The following NLRP5 variants were observed in gnomAD, a reference collection of about 807,000 sequenced individuals.
NLRP5 encodes NACHT, LRR and PYD domains-containing protein 5.
A neutral mutation model predicts 113.1 loss-of-function variants in NLRP5; 93 were observed. The observed-to-expected ratio is 0.82, with a 90% CI of 0.70 to 0.98. The LOEUF (loss-of-function observed/expected upper bound fraction) is 0.98. Ranked by LOEUF, NLRP5 falls within the 50% of genes least tolerant of loss-of-function variation. The probability of loss-of-function intolerance (pLI) is 0.00; values close to 1 mark genes in which losing one functional copy is unlikely to be tolerated. For missense variants in NLRP5, 1,808 were observed against 1,514.3 expected (o/e 1.19, Z -3.22); for synonymous variants, 751 against 600.7 (o/e 1.25, Z -3.66).
chr19:56,011,166 T>TATATATAC (rs112102134), intron 3 of NLRP5, among the ~76,000 whole-genome samples: 239 of 150,730 alleles, frequency 1.6e-3, no homozygotes, highest in African/African-American at 4.9e-3. Context: ...AAAATATATA[T>TATATATAC]ACACACATAC....
At position 56,003,742 on chromosome 19, in the gene NLRP5, C is replaced by T. The variant is rs1211886924; in HGVS notation, c.89C>T (p.Thr30Ile). The change falls in exon 2 of 15, where the codon ACT (threonine) becomes ATT (isoleucine). Residue 30 changes from threonine to isoleucine, a missense_variant. Coordinates refer to ENST00000390649, the MANE Select transcript of NLRP5 (RefSeq NM_153447.4). Reference sequence around the variant, plus strand: ...CTTGTCACTCTTTCCACAGGTCCTACTTGCTCTATATTACCAAAGAATCCA... The same window carrying T: ...CTTGTCACTCTTTCCACAGGTCCTATTTGCTCTATATTACCAAAGAATCCA... 1 of 1,611,490 alleles carries T rather than the reference C, an allele frequency of 6.2e-7. No homozygotes were observed. The highest frequency in any genetic ancestry group is 8.5e-7 in the Non-Finnish European group (1 of 1,179,006).
chr19:56,058,114 T>A (rs561518609), intron 13 of NLRP5, 126 bp from the exon 14 acceptor site: 3 of 763,286 alleles, frequency 3.9e-6, no homozygotes, highest in Admixed American at 3.0e-5. Flanking sequence ...CCAGTTTCAT[T>A]TTTTGTTTGT....
At chr19:56,022,693 G>T (rs150398066) in intron 6 of NLRP5, among the ~76,000 whole-genome samples, 12 of 152,230 alleles carry the variant, frequency 7.9e-5, no homozygotes, top group African/African-American at 2.9e-4. Context: ...ACCTATGAGA[G>T]AATATTTTTT....
At chr19:56,055,681 G>A (rs1486423118) in intron 13 of NLRP5, among the ~76,000 whole-genome samples, 2 of 150,072 alleles carry the variant, frequency 1.3e-5, no homozygotes, top group Non-Finnish European at 3.0e-5. Context: ...AAGTAGCTGG[G>A]ACTACAGGTG....
intron 9 of NLRP5, among the ~76,000 whole-genome samples, chr19:56,036,722 T>C (rs537921913): frequency 1.6e-4 from 25 of 152,186 alleles, no homozygotes; most frequent in African/African-American, 5.5e-4. Context: ...TCTGGGAGGC[T>C]GAGGCAGGTG....
At chr19:56,052,334 T>C (rs924345248) in intron 12 of NLRP5, among the ~76,000 whole-genome samples, 1 of 152,168 alleles carries the variant, frequency 6.6e-6, no homozygotes, top group African/African-American at 2.4e-5. Flanking sequence ...AATAGCGCAA[T>C]CTCAGTTCCC....
the NLRP5 span, among the ~76,000 whole-genome samples, chr19:55,991,273 C>T: frequency 5.3e-5 from 8 of 152,108 alleles, no homozygotes; most frequent in African/African-American, 1.2e-4. Context: ...ATTTAGCCCC[C>T]GGAAATGGTG....
intron 6 of NLRP5, among the ~76,000 whole-genome samples, chr19:56,024,454 CG>C (rs1982749074): frequency 3.5e-5 from 5 of 143,070 alleles, no homozygotes; most frequent in African/African-American, 1.3e-4. Context: ...TTTATATATA[CG>C]TACATACATA....
chr19:56,001,857 A>G lies in NLRP5; in HGVS notation c.63-1859A>G, dbSNP rs1568480039. Among the ~76,000 whole-genome samples the G allele has an allele frequency of 2.6e-5, 4 of 152,180 alleles. No individual in the cohort carries two copies. The South Asian group carries it at 6.2e-4, about 24-fold the overall frequency. ...CTGAGTCTTTAAAATGTTTTATTAC[A>G]TGGTATTCCTTCGATTGCTTTGTCA... On this transcript the variant is annotated intron_variant, in intron 1 of 14. Transcript: ENST00000390649.
intron 1 of NLRP5, 117 bp from the exon 2 acceptor site, chr19:56,003,619 G>C: frequency 1.6e-6 from 2 of 1,235,216 alleles, no homozygotes; most frequent in Non-Finnish European, 2.3e-6. Context: ...CAAATGCTTC[G>C]TCCATGAAGA....
chr19:56,040,804 T>A (rs1983493765), intron 10 of NLRP5, 118 bp from the exon 11 acceptor site: 1 of 798,294 alleles, frequency 1.3e-6, no homozygotes, highest in Non-Finnish European at 2.0e-6. Flanking sequence ...TCACCATATG[T>A]CTGCAAGGAC....
Position 56,050,429 on chromosome 19 carries a change from G to A in NLRP5, c.2969G>A (p.Cys990Tyr), listed in dbSNP as rs767632960. The change falls in exon 12 of 15, where the codon TGC (cysteine) becomes TAC (tyrosine). Residue 990 changes from cysteine (C) to tyrosine (Y), a missense_variant. By Grantham distance (194) the Cys-to-Tyr change is radical. Transcript: ENST00000390649. ...TGTGTGCCCCACAGGCTGAATCAGT[G>A]CCACCTGGACACGGCTGGCTGTGGT... The A allele has an allele frequency of 8.7e-6, 14 of 1,613,500 alleles. No homozygotes were observed. In the Admixed American group the frequency reaches 1.5e-4, roughly 17 times the overall value.
At chr19:56,020,992 G>T (rs1599887059) in intron 6 of NLRP5, among the ~76,000 whole-genome samples, 1 of 151,362 alleles carries the variant, frequency 6.6e-6, no homozygotes, top group East Asian at 1.9e-4. Flanking sequence ...TTCTGTCTCA[G>T]CCTCCCGAGT....
Position 56,050,530 on chromosome 19 carries a change from G to A in NLRP5, c.3070G>A (p.Gly1024Ser). The A allele has an allele frequency of 6.2e-7, 1 of 1,613,996 alleles. No homozygotes were observed. Among genetic ancestry groups the A allele is most frequent in the South Asian group, 1.1e-5 (1 of 91,076 alleles). ...TAGCATGAACCCTGTGGAAGACAAT[G>A]GCGTGAAGCTTCTGTGCGAGGTCAT... is the stretch of plus-strand genomic sequence containing the variant. The change falls in exon 12 of 15, where the codon GGC becomes AGC. Residue 1024 changes from glycine (G) to serine (S), a missense_variant. By Grantham distance (56) the Gly-to-Ser change is moderately conservative. Coordinates refer to ENST00000390649, the MANE Select transcript of NLRP5 (RefSeq NM_153447.4).
intron 7 of NLRP5, among the ~76,000 whole-genome samples, chr19:56,032,132 A>G (rs1983139917): frequency 6.6e-6 from 1 of 151,976 alleles, no homozygotes; most frequent in Non-Finnish European, 1.5e-5. Context: ...AGATCATGAG[A>G]TCAGGAGTTC....
chr19:56,052,624 C>T (rs573166839), intron 12 of NLRP5, among the ~76,000 whole-genome samples: 1 of 152,220 alleles, frequency 6.6e-6, no homozygotes, highest in African/African-American at 2.4e-5. Context: ...CATCCCCCTC[C>T]CCAGTGCTAT....
chr19:56,028,209 T>C lies in NLRP5; in HGVS notation c.1976T>C (p.Leu659Pro), dbSNP rs1414425920. 1.2e-6 allele frequency: 2 copies of C among 1,613,858 alleles called. No individual in the cohort carries two copies. The highest frequency in any genetic ancestry group is 1.1e-5 in the South Asian group (1 of 91,080). The change falls in exon 7 of 15, where the codon CTG (leucine) becomes CCG (proline). Residue 659 changes from leucine to proline, a missense_variant. Physicochemically the swap from Leu to Pro is moderately conservative, Grantham distance 98. Transcript: ENST00000390649. ...GTCCTGCTGGGCTGTCCCGTTCCCC[T>C]GGGGGTGAAGCAGAAGCTTCTGCAC...
the NLRP5 span, among the ~76,000 whole-genome samples, chr19:55,993,708 TA>T: frequency 6.8e-6 from 1 of 146,442 alleles, no homozygotes; most frequent in East Asian, 2.1e-4. Flanking sequence ...CACATATGAG[TA>T]AAATACATTC....
chr19:55,996,957 G>C (rs1335210131), upstream of NLRP5, among the ~76,000 whole-genome samples: 1 of 152,164 alleles, frequency 6.6e-6, no homozygotes, highest in Non-Finnish European at 1.5e-5. Context: ...CACCAACAGC[G>C]TAAAAGTGTT....
Sources: gnomAD v4.1 joint callset for allele counts (sites outside exome capture counted in the v4.1 genomes callset) on GRCh38, gnomAD v4.1.1 for gene constraint, MANE v1.5 for transcripts, NCBI Gene and HGNC (gene_info 2026-07-23, HGNC 2026-07-21) for gene names.